The following SCIN variants were observed in gnomAD, a reference collection of about 807,000 sequenced individuals.
SCIN encodes adseverin.
In SCIN, 91 loss-of-function variants were observed where a neutral mutation model predicts 91.8. The ratio of observed to expected loss-of-function variants is 0.99; its 90% CI spans 0.84 to 1.18. The LOEUF (loss-of-function observed/expected upper bound fraction) is 1.18, where lower values mean the gene tolerates loss of function less well. SCIN is among the 50% of genes most tolerant of loss of function. The pLI, the probability that SCIN is intolerant of heterozygous loss-of-function variation, is 0.00. For missense variants in SCIN, 1,087 were observed against 863.9 expected (o/e 1.26, Z -3.24); for synonymous variants, 367 against 312.6 (o/e 1.17, Z -1.84).
chr7:12,600,939 G>A (rs1782944748), intron 3 of SCIN, among the ~76,000 whole-genome samples: 1 of 152,038 alleles, frequency 6.6e-6, no homozygotes, highest in African/African-American at 2.4e-5. Flanking sequence ...ACTTTGTCAT[G>A]GTATTCAAAT....
rs572913999 is a variant in SCIN at position 12,657,922 on chromosome 7, A to C, written c.*5207A>C. 1.6e-4 allele frequency: 25 copies of C among 152,256 alleles called. No homozygotes were observed. Among genetic ancestry groups the C allele is most frequent in the African/African-American group, 6.0e-4 (25 of 41,558 alleles). 9.4% of individuals were successfully genotyped at this position (152,256 alleles called of 1,614,324 possible). A position where few individuals can be genotyped will look rare whatever the true frequency, so the allele number is the denominator to read the frequency against. On this transcript the variant is annotated 3_prime_UTR_variant, in exon 16 of 16. Coordinates refer to ENST00000297029, the MANE Select transcript of SCIN (RefSeq NM_001112706.3). ...TCATATTTCCTGTTGCCTATAAAAAATTGATGCTTTAATTTAGTTAACATG... is the reference window on the plus strand; with the variant it reads ...TCATATTTCCTGTTGCCTATAAAAACTTGATGCTTTAATTTAGTTAACATG...
chr7:12,649,134 C>T (rs1784028046), intron 13 of SCIN, among the ~76,000 whole-genome samples: 1 of 152,130 alleles, frequency 6.6e-6, no homozygotes, highest in Non-Finnish European at 1.5e-5. Flanking sequence ...AAGACAAAAG[C>T]TCGAGTGCAT....
intron 3 of SCIN, chr7:12,588,812 GGGGGGGGGGT>G (rs1562599479): frequency 7.7e-5 from 6 of 78,392 alleles, no homozygotes; most frequent in Non-Finnish European, 1.3e-4. Context: ...ATTGGGTGGG[GGGGGGGGGGT>G]GCGGGGGCGG....
rs192178984 is a variant in SCIN at position 12,581,238 on chromosome 7, C to T, written c.516+17C>T. ...CTTGGCACCGTAAGTTTCATATATA[C>T]ACATCGATGTCTAAAGAAAAGTGAA... On this transcript the variant is annotated intron_variant, in intron 3 of 15. Transcript: ENST00000297029. 1.3e-6 allele frequency: 2 copies of T among 1,547,760 alleles called. No individual in the cohort carries two copies. Among genetic ancestry groups the T allele is most frequent in the African/African-American group, 1.4e-5 (1 of 72,974 alleles).
At chr7:12,571,556 C>T in intron 1 of SCIN, 1 of 467,218 alleles carries the variant, frequency 2.1e-6, no homozygotes, top group African/African-American at 2.0e-5. Flanking sequence ...ATTCTACCCG[C>T]ACCATGCTGC....
intron 4 of SCIN, among the ~76,000 whole-genome samples, chr7:12,612,905 G>T (rs1400578663): frequency 6.6e-6 from 1 of 152,172 alleles, no homozygotes; most frequent in Non-Finnish European, 1.5e-5. Context: ...TAACCTTACA[G>T]ACAAGGTACC....
At chr7:12,575,871 C>T (rs987522627) in intron 1 of SCIN, among the ~76,000 whole-genome samples, 6 of 152,134 alleles carry the variant, frequency 3.9e-5, no homozygotes, top group Non-Finnish European at 7.4e-5. Context: ...TTCTAATTTT[C>T]GCATCCAAAG....
chr7:12,644,701 T>A lies in SCIN; in HGVS notation c.1877T>A (p.Phe626Tyr). 4 of 1,560,020 alleles carry A rather than the reference T, an allele frequency of 2.6e-6. No homozygotes were observed. The highest frequency in any genetic ancestry group is 3.5e-6 in the Non-Finnish European group (4 of 1,151,576). Residue 626 changes from phenylalanine (F) to tyrosine (Y), a missense_variant, in exon 13 of 16, where the codon TTT (phenylalanine) becomes TAT (tyrosine). Physicochemically the swap from Phe to Tyr is conservative, Grantham distance 22. Coordinates refer to ENST00000297029, the MANE Select transcript of SCIN (RefSeq NM_001112706.3). ...LYGCSNKTGR[F>Y]VIEEIPGEFT... ...GGCTGCTCTAACAAAACTGGAAGAT[T>A]TGTTGTAAGTGTCCTTAAAAATAGT...
At position 12,652,821 on chromosome 7, in the gene SCIN, A is replaced by C; in HGVS notation, c.*106A>C. 6.9e-7 allele frequency: 1 copy of C among 1,439,652 alleles called. No individual in the cohort carries two copies. The allele number at this position is 1,439,652 out of a possible 1,614,324, so 89.2% of individuals were successfully genotyped here. On this transcript the variant is annotated 3_prime_UTR_variant, in exon 16 of 16. Transcript: ENST00000297029. ...TTGCTTATTTGTCTTTTGAAAATTA[A>C]GGCTGGGCGCGGTGGCTCACACCTG...
At chr7:12,584,442 T>G (rs1466397453) in intron 3 of SCIN, among the ~76,000 whole-genome samples, 2 of 152,232 alleles carry the variant, frequency 1.3e-5, no homozygotes, top group African/African-American at 4.8e-5. Context: ...TCAGCTTTTT[T>G]GATCAACAGT....
In SCIN at chr7:12,657,052, A is replaced by G. The variant is rs879356356; in HGVS notation, c.*4337A>G. The G allele has an allele frequency of 2.0e-5, 3 of 152,116 alleles. No homozygotes were observed. Among genetic ancestry groups the G allele is most frequent in the Non-Finnish European group, 2.9e-5 (2 of 67,972 alleles). 9.4% of individuals were successfully genotyped at this position (152,116 alleles called of 1,614,324 possible). ...AGGATATAGTGAAACTGGAGCTTAC[A>G]TCCACTACTTGGGAAGTATAAATTG... On this transcript the variant is annotated 3_prime_UTR_variant, in exon 16 of 16. Transcript: ENST00000297029.
chr7:12,627,879 GCT>G (rs529150710), intron 8 of SCIN, among the ~76,000 whole-genome samples: 35 of 152,120 alleles, frequency 2.3e-4, no homozygotes, highest in Non-Finnish European at 4.3e-4. Context: ...CGGATCTTGT[GCT>G]CTCTCTAGGA....
chr7:12,648,774 A>G (rs1391419479), intron 13 of SCIN, among the ~76,000 whole-genome samples: 6 of 152,188 alleles, frequency 3.9e-5, no homozygotes, highest in Admixed American at 3.9e-4. Context: ...GGGCATTCAA[A>G]TGTGTCAACC....
intron 4 of SCIN, among the ~76,000 whole-genome samples, chr7:12,607,044 C>G (rs1783093508): frequency 6.6e-6 from 1 of 152,194 alleles, no homozygotes; most frequent in Admixed American, 6.5e-5. Context: ...GTCTCAATAG[C>G]TATGCTTGGA....
chr7:12,598,763 G>C (rs1446106661), intron 3 of SCIN, among the ~76,000 whole-genome samples: 1 of 152,114 alleles, frequency 6.6e-6, no homozygotes. Context: ...AAAAAAGTTC[G>C]CTAGGCGTGG....
chr7:12,600,835 T>C (rs1315651636), intron 3 of SCIN, among the ~76,000 whole-genome samples: 1 of 152,202 alleles, frequency 6.6e-6, no homozygotes, highest in Non-Finnish European at 1.5e-5. Flanking sequence ...TTTTTAAAAA[T>C]TACCTTGCTA....
Position 12,657,055 on chromosome 7 carries a change from C to G in SCIN, c.*4340C>G, listed in dbSNP as rs536267461. ...ATATAGTGAAACTGGAGCTTACATC[C>G]ACTACTTGGGAAGTATAAATTGATA... is the stretch of plus-strand genomic sequence containing the variant. On this transcript the variant is annotated 3_prime_UTR_variant, in exon 16 of 16. Coordinates refer to ENST00000297029, the MANE Select transcript of SCIN (RefSeq NM_001112706.3). 1 of 151,850 alleles carries G rather than the reference C, an allele frequency of 6.6e-6. No individual in the cohort carries two copies. Among genetic ancestry groups the G allele is most frequent in the East Asian group, 1.9e-4 (1 of 5,154 alleles). The allele number at this position is 151,850 out of a possible 1,614,324, so 9.4% of individuals were successfully genotyped here. A position where few individuals can be genotyped will look rare whatever the true frequency, so the allele number is the denominator to read the frequency against.
Position 12,651,407 on chromosome 7 carries a change from C to T in SCIN, c.1960-434C>T, listed in dbSNP as rs766346492. On this transcript the variant is annotated intron_variant, in intron 14 of 15. Coordinates refer to ENST00000297029, the MANE Select transcript of SCIN (RefSeq NM_001112706.3). This position sits in a 1 kb window ranked among gnomAD's most constrained non-coding sequence, Gnocchi z 5.9. ...CCCTACAAAAGGCAGATTTGCAGGG[C>T]TATTTCTGTTTGCAAGTCCTCTGAA... Among the ~76,000 whole-genome samples, 25 of 152,154 alleles carry T rather than the reference C, an allele frequency of 1.6e-4. No homozygotes were observed. The highest frequency in any genetic ancestry group is 2.9e-4 in the Non-Finnish European group (20 of 68,020).
At chr7:12,616,844 A>T (rs1418779490) in intron 4 of SCIN, among the ~76,000 whole-genome samples, 1 of 152,118 alleles carries the variant, frequency 6.6e-6, no homozygotes, top group South Asian at 2.1e-4. Context: ...AAAGGAAGAG[A>T]TTACTATATC....
Sources: gnomAD v4.1 joint callset for allele counts (sites outside exome capture counted in the v4.1 genomes callset) on GRCh38, gnomAD v4.1.1 for gene constraint, Gnocchi (gnomAD v3.1) non-coding constraint, MANE v1.5 for transcripts, NCBI Gene and HGNC (gene_info 2026-07-23, HGNC 2026-07-21) for gene names.